The following THSD7B variants were observed in gnomAD, a reference collection of about 807,000 sequenced individuals.
THSD7B encodes the protein thrombospondin type 1 domain containing 7B, also known as thrombospondin type-1 domain-containing protein 7B.
In THSD7B, 138 loss-of-function variants were observed where a neutral mutation model predicts 213.6. The ratio of observed to expected loss-of-function variants is 0.65; its 90% confidence interval spans 0.56 to 0.74. The LOEUF is 0.74. Ranked by LOEUF, THSD7B falls within the 30% of genes least tolerant of loss-of-function variation. The pLI is 0.00. For synonymous variants in THSD7B, 742 were observed against 687.0 expected (o/e 1.08, Z -1.25); for missense variants, 1,931 against 1,991.5 (o/e 0.97, Z 0.58).
intron 14 of THSD7B, among the ~76,000 whole-genome samples, chr2:137,420,746 C>T (rs1445152830): frequency 6.6e-6 from 1 of 152,174 alleles, no homozygotes; most frequent in South Asian, 2.1e-4. Context: ...AATTCATTCC[C>T]TATGACTACT....
At chr2:137,531,203 A>G (rs548505623) in intron 15 of THSD7B, among the ~76,000 whole-genome samples, 6 of 152,098 alleles carry the variant, frequency 3.9e-5, no homozygotes, top group African/African-American at 1.4e-4. Context: ...CCTGTGAAGA[A>G]TAGCACTCAA....
chr2:137,047,280 C>G (rs1465924630), intron 2 of THSD7B, among the ~76,000 whole-genome samples: 1 of 152,120 alleles, frequency 6.6e-6, no homozygotes, highest in Non-Finnish European at 1.5e-5. Flanking sequence ...TGAATCTGAT[C>G]TTTGTAAACC....
chr2:137,181,272 C>T (rs904090562), intron 7 of THSD7B, among the ~76,000 whole-genome samples: 1 of 152,100 alleles, frequency 6.6e-6, no homozygotes, highest in Non-Finnish European at 1.5e-5. Flanking sequence ...ACTCCTTCAT[C>T]GTAGAGATAT....
intron 12 of THSD7B, among the ~76,000 whole-genome samples, chr2:137,339,802 C>T (rs1684718864): frequency 6.6e-6 from 1 of 151,534 alleles, no homozygotes; most frequent in Admixed American, 6.6e-5. Flanking sequence ...CCTCTTTCCT[C>T]AGCTTTTTCT....
intron 2 of THSD7B, among the ~76,000 whole-genome samples, chr2:137,035,542 T>G (rs181160977): frequency 6.6e-6 from 1 of 151,930 alleles, no homozygotes; most frequent in Non-Finnish European, 1.5e-5. Context: ...TGGAAAGGGA[T>G]AGTGTTTCTG....
intron 1 of THSD7B, among the ~76,000 whole-genome samples, chr2:136,767,231 T>C (rs575371493): frequency 6.6e-6 from 1 of 152,298 alleles, no homozygotes; most frequent in South Asian, 2.1e-4. Flanking sequence ...AATCAAGAAG[T>C]CTTACTCAGT....
At chr2:137,039,763 T>G (rs10166158) in intron 2 of THSD7B, among the ~76,000 whole-genome samples, 1 of 152,044 alleles carries the variant, frequency 6.6e-6, no homozygotes, top group Non-Finnish European at 1.5e-5. Context: ...TGTATAGCTC[T>G]GAAGCACTTT....
At chr2:137,659,786 G>A (rs1392704587) in intron 25 of THSD7B, 40 bp downstream of exon 25, 2 of 1,552,448 alleles carry the variant, frequency 1.3e-6, no homozygotes, top group East Asian at 4.7e-5. Flanking sequence ...TGCATTAATT[G>A]CTGTGTTTTA....
intron 3 of THSD7B, among the ~76,000 whole-genome samples, chr2:137,071,137 C>T (rs1573802607): frequency 6.6e-6 from 1 of 152,166 alleles, no homozygotes; most frequent in Non-Finnish European, 1.5e-5. Flanking sequence ...GGAATCGCCA[C>T]ACTGACTTCC....
At chr2:137,432,755 G>A (rs1307388437) in intron 14 of THSD7B, among the ~76,000 whole-genome samples, 1 of 152,096 alleles carries the variant, frequency 6.6e-6, no homozygotes, top group Non-Finnish European at 1.5e-5. Flanking sequence ...TCAATTTGAT[G>A]TCTTTTTCTT....
chr2:137,668,081 C>T (rs1683485985), intron 27 of THSD7B, among the ~76,000 whole-genome samples: 1 of 152,108 alleles, frequency 6.6e-6, no homozygotes, highest in Admixed American at 6.6e-5. Context: ...ATGAAAATCA[C>T]TGGTCAGAAC....
At chr2:136,966,631 GTC>G (rs1242253877) in intron 2 of THSD7B, among the ~76,000 whole-genome samples, 1 of 152,034 alleles carries the variant, frequency 6.6e-6, no homozygotes, top group East Asian at 1.9e-4. Context: ...TAGTTGCCTG[GTC>G]TCTGAGTTGT....
At chr2:137,415,916 AC>A (rs898174984) in intron 14 of THSD7B, among the ~76,000 whole-genome samples, 2 of 151,878 alleles carry the variant, frequency 1.3e-5, no homozygotes, top group Admixed American at 6.6e-5. Flanking sequence ...TTATATATTT[AC>A]TTTTTAGAAA....
intron 15 of THSD7B, among the ~76,000 whole-genome samples, chr2:137,556,971 C>T (rs1435610731): frequency 6.6e-6 from 1 of 152,142 alleles, no homozygotes; most frequent in African/African-American, 2.4e-5. Context: ...GTAAAGGGAT[C>T]AATTCAACAA....
intron 24 of THSD7B, among the ~76,000 whole-genome samples, chr2:137,659,077 T>G (rs1219965616): frequency 6.6e-6 from 1 of 150,426 alleles, no homozygotes. Flanking sequence ...CTGTGTCAGA[T>G]GTTTGATTGT....
At chr2:137,141,707 G>A (rs1161537528) in intron 5 of THSD7B, among the ~76,000 whole-genome samples, 1 of 151,058 alleles carries the variant, frequency 6.6e-6, no homozygotes, top group Non-Finnish European at 1.5e-5. Flanking sequence ...GTGTGTGTTT[G>A]TATCTTCCAG....
intron 1 of THSD7B, among the ~76,000 whole-genome samples, chr2:136,852,464 C>T (rs980037395): frequency 1.3e-5 from 2 of 152,078 alleles, no homozygotes; most frequent in Admixed American, 6.5e-5. Context: ...AGAGGAACAC[C>T]GCCTTGCTAA....
intron 10 of THSD7B, among the ~76,000 whole-genome samples, chr2:137,263,808 G>T (rs1573919773): frequency 1.3e-5 from 2 of 152,132 alleles, no homozygotes; most frequent in African/African-American, 4.8e-5. Flanking sequence ...AGATGGATAG[G>T]AAGGAAGTCT....
At chr2:137,050,307 G>T (rs1687045509) in intron 2 of THSD7B, among the ~76,000 whole-genome samples, 2 of 152,144 alleles carry the variant, frequency 1.3e-5, no homozygotes, top group South Asian at 2.1e-4. Flanking sequence ...CGTGATGTTT[G>T]CATTAGCTGA....
Sources: gnomAD v4.1 joint callset for allele counts (sites outside exome capture counted in the v4.1 genomes callset) on GRCh38, gnomAD v4.1.1 for gene constraint, MANE v1.5 for transcripts, NCBI Gene and HGNC (gene_info 2026-07-23, HGNC 2026-07-21) for gene names.